The following FCHSD2 variants were observed in gnomAD, a reference collection of about 807,000 sequenced individuals.
FCHSD2 encodes FCH and double SH3 domains 2.
Under a neutral mutation model 108.1 loss-of-function variants are expected in FCHSD2, and 38 were observed. The observed-to-expected ratio is 0.35, with a 90% CI of 0.27 to 0.46. The LOEUF (loss-of-function observed/expected upper bound fraction) is 0.46, where lower values mean the gene tolerates loss of function less well. Ranked by LOEUF, FCHSD2 falls within the 20% of genes least tolerant of loss-of-function variation. The pLI, the probability that FCHSD2 is intolerant of heterozygous loss-of-function variation, is 1.00. For synonymous variants in FCHSD2, 279 were observed against 314.7 expected (o/e 0.89, Z 1.20); for missense variants, 751 against 897.8 (o/e 0.84, Z 2.09).
chr11:72,964,938 C>T (rs893722654), intron 8 of FCHSD2, among the ~76,000 whole-genome samples: 11 of 151,936 alleles, frequency 7.2e-5, no homozygotes, highest in African/African-American at 1.7e-4. Flanking sequence ...TACAGGCGCC[C>T]GCCACCACAC....
At chr11:72,957,034 TTC>T (rs1378946092) in intron 8 of FCHSD2, among the ~76,000 whole-genome samples, 2 of 146,216 alleles carry the variant, frequency 1.4e-5, no homozygotes, top group East Asian at 4.0e-4. Flanking sequence ...TTTTTTTTTC[TTC>T]TTTTTTTTTA....
At chr11:73,102,288 A>G (rs1379061218) in intron 2 of FCHSD2, among the ~76,000 whole-genome samples, 1 of 152,216 alleles carries the variant, frequency 6.6e-6, no homozygotes, top group Non-Finnish European at 1.5e-5. Flanking sequence ...ATGCTAAATA[A>G]TATAGATAGA....
At chr11:72,934,389 G>A (rs1191473906) in intron 8 of FCHSD2, among the ~76,000 whole-genome samples, 3 of 149,440 alleles carry the variant, frequency 2.0e-5, no homozygotes, top group Non-Finnish European at 3.0e-5. Flanking sequence ...GGTGTGCAGC[G>A]GCACTATCTC....
At chr11:72,846,382 A>ACGT (rs1208138071) in intron 14 of FCHSD2, among the ~76,000 whole-genome samples, 2 of 152,022 alleles carry the variant, frequency 1.3e-5, no homozygotes, top group African/African-American at 4.8e-5. Context: ...GGGTTTCACC[A>ACGT]TGTTGGTCAG....
intron 2 of FCHSD2, among the ~76,000 whole-genome samples, chr11:73,121,084 T>C (rs1287974825): frequency 3.3e-5 from 5 of 152,118 alleles, no homozygotes; most frequent in Non-Finnish European, 7.4e-5. Context: ...GCATATCCTA[T>C]AAAAATGTAT....
At position 72,840,885 on chromosome 11, in the gene FCHSD2, G is replaced by C. The variant is rs753298581; in HGVS notation, c.2131C>G (p.Leu711Val). ...RHTPETSYGK[L>V]RPVRAAPPPP... Reference sequence around the variant, plus strand: ...CAAGATCAGAGACTTACAGGTCGCAGTTTGCCATATGAGGTCTCAGGAGTA... The same window carrying C: ...CAAGATCAGAGACTTACAGGTCGCACTTTGCCATATGAGGTCTCAGGAGTA... Residue 711 changes from leucine (L) to valine (V), a missense_variant, in exon 19 of 20, where the codon CTG becomes GTG. By Grantham distance (32) the Leu-to-Val change is conservative. Coordinates refer to ENST00000409418, the MANE Select transcript of FCHSD2 (RefSeq NM_014824.3). 3 of 1,609,770 alleles carry C rather than the reference G, an allele frequency of 1.9e-6. No individual in the cohort carries two copies. In the South Asian group the frequency reaches 3.3e-5, roughly 18 times the overall value.
chr11:73,062,624 C>T (rs943943815), intron 3 of FCHSD2, among the ~76,000 whole-genome samples: 8 of 151,982 alleles, frequency 5.3e-5, no homozygotes, highest in African/African-American at 1.5e-4. Flanking sequence ...ATACACAGCA[C>T]GAGAACTTCA....
intron 4 of FCHSD2, among the ~76,000 whole-genome samples, chr11:73,003,539 T>C (rs896492911): frequency 6.7e-6 from 1 of 148,364 alleles, no homozygotes. Context: ...CAGGCTGGAG[T>C]GCAGTGGCGG....
At chr11:72,956,892 G>T (rs1856721510) in intron 8 of FCHSD2, among the ~76,000 whole-genome samples, 3 of 151,838 alleles carry the variant, frequency 2.0e-5, no homozygotes, top group Admixed American at 6.6e-5. Flanking sequence ...TATCACCAGG[G>T]GTGAGACAGT....
intron 5 of FCHSD2, among the ~76,000 whole-genome samples, chr11:72,990,601 T>G (rs951056009): frequency 6.6e-6 from 1 of 152,184 alleles, no homozygotes; most frequent in Non-Finnish European, 1.5e-5. Context: ...TGCTCCTGAA[T>G]GACTACTGGG....
chr11:72,907,403 T>C (rs900586781), intron 9 of FCHSD2, among the ~76,000 whole-genome samples: 1 of 151,998 alleles, frequency 6.6e-6, no homozygotes, highest in Admixed American at 6.6e-5. Context: ...AGCATCCTTA[T>C]CTTGTGCTGG....
At chr11:72,886,867 C>G (rs991215567) in intron 12 of FCHSD2, among the ~76,000 whole-genome samples, 1 of 152,182 alleles carries the variant, frequency 6.6e-6, no homozygotes, top group African/African-American at 2.4e-5. Flanking sequence ...AAACACTACA[C>G]AAAATGTACA....
intron 8 of FCHSD2, among the ~76,000 whole-genome samples, chr11:72,954,267 A>G (rs531729233): frequency 2.7e-3 from 376 of 140,184 alleles, no homozygotes; most frequent in African/African-American, 9.6e-3. Context: ...GTGCAGTGGC[A>G]CAGCATGGCG....
At chr11:73,008,108 G>A (rs1857781948) in intron 4 of FCHSD2, among the ~76,000 whole-genome samples, 1 of 152,240 alleles carries the variant, frequency 6.6e-6, no homozygotes, top group East Asian at 1.9e-4. Context: ...AGAGGCTGAG[G>A]CAGGCAGATC....
chr11:73,000,041 G>A (rs1241660489), intron 5 of FCHSD2, among the ~76,000 whole-genome samples: 3 of 152,132 alleles, frequency 2.0e-5, no homozygotes, highest in Non-Finnish European at 2.9e-5. Flanking sequence ...AATATTAGGT[G>A]AGTGCTCTAA....
intron 8 of FCHSD2, among the ~76,000 whole-genome samples, chr11:72,976,065 A>T (rs1857098447): frequency 6.6e-6 from 1 of 152,178 alleles, no homozygotes; most frequent in African/African-American, 2.4e-5. Flanking sequence ...AGCTGAGTTG[A>T]TTTCTGTAGA....
intron 3 of FCHSD2, among the ~76,000 whole-genome samples, chr11:73,044,882 A>G (rs1298319478): frequency 6.6e-6 from 1 of 152,156 alleles, no homozygotes; most frequent in Non-Finnish European, 1.5e-5. Flanking sequence ...CATCCTGACT[A>G]ACACAGTGAA....
At chr11:72,899,219 T>C (rs1855479686) in intron 10 of FCHSD2, among the ~76,000 whole-genome samples, 2 of 152,270 alleles carry the variant, frequency 1.3e-5, no homozygotes, top group African/African-American at 4.8e-5. Context: ...TTTTCAATTT[T>C]TGTTTTTGCT....
At chr11:72,860,721 G>A (rs1189821517) in intron 13 of FCHSD2, among the ~76,000 whole-genome samples, 1 of 151,958 alleles carries the variant, frequency 6.6e-6, no homozygotes. Flanking sequence ...GGTGCTGGGA[G>A]GCTGAGGCAT....
Sources: gnomAD v4.1 joint callset for allele counts (sites outside exome capture counted in the v4.1 genomes callset) on GRCh38, gnomAD v4.1.1 for gene constraint, MANE v1.5 for transcripts, NCBI Gene and HGNC (gene_info 2026-07-23, HGNC 2026-07-21) for gene names.